Variants in SIPA1L1 observed in about 807,000 individuals in gnomAD.
The protein encoded by SIPA1L1 is signal induced proliferation associated 1 like 1, also known as signal-induced proliferation-associated 1-like protein 1.
A neutral mutation model predicts 162.7 loss-of-function variants in SIPA1L1; 26 were observed. The observed-to-expected ratio is 0.16, with a 90% CI of 0.12 to 0.22. The LOEUF (loss-of-function observed/expected upper bound fraction) is 0.22, where lower values mean the gene tolerates loss of function less well. SIPA1L1 is among the 10% of genes least tolerant of loss of function. The pLI, the probability that SIPA1L1 is intolerant of heterozygous loss-of-function variation, is 1.00. For missense variants in SIPA1L1, 1,874 were observed against 2,241.0 expected, an observed-to-expected ratio of 0.84 and a Z score of 3.31; for synonymous variants, 829 against 837.4, an observed-to-expected ratio of 0.99 and a Z score of 0.17.
At chr14:71,462,982 G>T (rs1457503676) in intron 2 of SIPA1L1, among the ~76,000 whole-genome samples, 3 of 152,204 alleles carry the variant, frequency 2.0e-5, no homozygotes, top group African/African-American at 7.2e-5. Flanking sequence ...ATGTTAATTT[G>T]CTCAAGCAGT....
At chr14:71,605,021 T>A (rs2037321211) in intron 5 of SIPA1L1, among the ~76,000 whole-genome samples, 2 of 152,192 alleles carry the variant, frequency 1.3e-5, no homozygotes, top group Non-Finnish European at 2.9e-5. Flanking sequence ...TCTGAAAATT[T>A]GAATATTTGA....
At chr14:71,455,648 A>G (rs536759013) in intron 2 of SIPA1L1, among the ~76,000 whole-genome samples, 1 of 152,310 alleles carries the variant, frequency 6.6e-6, no homozygotes, top group African/African-American at 2.4e-5. Flanking sequence ...AGACTTTGGC[A>G]TGTAGTATTT....
At chr14:71,496,359 G>T (rs1168476084) in intron 2 of SIPA1L1, among the ~76,000 whole-genome samples, 1 of 150,314 alleles carries the variant, frequency 6.7e-6, no homozygotes, top group East Asian at 1.9e-4. Flanking sequence ...TTTTGCTTGT[G>T]ATTTTTTTTT....
chr14:71,556,421 AG>A (rs2056357229), intron 4 of SIPA1L1, among the ~76,000 whole-genome samples: 1 of 152,204 alleles, frequency 6.6e-6, no homozygotes, highest in Admixed American at 6.5e-5. Flanking sequence ...CAGATTCCAC[AG>A]GTTGGGGGCT....
chr14:71,655,533 G>A (rs1420029965), intron 8 of SIPA1L1, among the ~76,000 whole-genome samples: 3 of 152,136 alleles, frequency 2.0e-5, no homozygotes, highest in Non-Finnish European at 2.9e-5. Context: ...TTAGTTCTTT[G>A]AGAAATCTCC....
At chr14:71,441,224 T>G (rs934558984) in intron 2 of SIPA1L1, among the ~76,000 whole-genome samples, 1 of 152,222 alleles carries the variant, frequency 6.6e-6, no homozygotes, top group Non-Finnish European at 1.5e-5. Flanking sequence ...GCCTCTTAAG[T>G]CTGCCACTGA....
At chr14:71,397,927 G>T (rs2041340038) in intron 2 of SIPA1L1, among the ~76,000 whole-genome samples, 1 of 150,244 alleles carries the variant, frequency 6.7e-6, no homozygotes. Flanking sequence ...ACCTTTATAA[G>T]ATGTGACAAA....
chr14:71,729,369 C>G (rs2033172325), intron 19 of SIPA1L1, among the ~76,000 whole-genome samples: 1 of 152,178 alleles, frequency 6.6e-6, no homozygotes. Flanking sequence ...AGAAATGCAT[C>G]TTCAAAAAAT....
chr14:71,445,503 C>G (rs190713519), intron 2 of SIPA1L1, among the ~76,000 whole-genome samples: 291 of 151,708 alleles, frequency 1.9e-3, no homozygotes, highest in African/African-American at 6.8e-3. Flanking sequence ...TTTGTCTGTA[C>G]TAATTTTAGT....
At chr14:71,331,365 A>C (rs531006911) in intron 2 of SIPA1L1, among the ~76,000 whole-genome samples, 1 of 152,372 alleles carries the variant, frequency 6.6e-6, no homozygotes, top group Non-Finnish European at 1.5e-5. Flanking sequence ...TTGAATAATA[A>C]AGAAGTGACA....
At chr14:71,563,007 T>C (rs1416620477) in intron 4 of SIPA1L1, among the ~76,000 whole-genome samples, 1 of 152,210 alleles carries the variant, frequency 6.6e-6, no homozygotes, top group Non-Finnish European at 1.5e-5. Context: ...TATTTATTTG[T>C]TGTCTGCCTG....
chr14:71,671,429 A>G lies in SIPA1L1; in HGVS notation c.2566A>G (p.Met856Val), dbSNP rs145411932. Residue 856 changes from methionine to valine, a missense_variant, in exon 11 of 24, where the codon ATG becomes GTG. By Grantham distance (21) the Met-to-Val change is conservative (BLOSUM62 1). Around this residue, in one of 5 missense-constraint regions of SIPA1L1, gnomAD observed 243 missense variants for 315.0 expected, o/e 0.77. Coordinates refer to ENST00000381232, the MANE Select transcript of SIPA1L1 (RefSeq NM_001386936.1). ...ATATCCAGGAGCCGAGCTCAGCAGC[A>G]TGGGGGCCATTGTATGGGCAGTCCG... is the stretch of plus-strand genomic sequence containing the variant. ...KPYPGAELSS[M>V]GAIVWAVRAE... The G allele has an allele frequency of 1.9e-6, 3 of 1,614,210 alleles. No individual in the cohort carries two copies. Among genetic ancestry groups the G allele is most frequent in the African/African-American group, 2.7e-5 (2 of 75,050 alleles).
chr14:71,529,134 TATG>T (rs1399004258), intron 3 of SIPA1L1, among the ~76,000 whole-genome samples, 175 bp from the exon 4 acceptor site: 2 of 151,398 alleles, frequency 1.3e-5, no homozygotes, highest in African/African-American at 2.4e-5. Flanking sequence ...AAGAAAGAAA[TATG>T]ATAATACTAG....
chr14:71,589,427 G>A, intron 5 of SIPA1L1, 57 bp downstream of exon 5: 1 of 1,055,164 alleles, frequency 9.5e-7, no homozygotes, highest in Non-Finnish European at 1.4e-6. Flanking sequence ...CTGAAGAAAA[G>A]TACTGTATAT....
At chr14:71,610,267 C>T (rs568653744) in intron 5 of SIPA1L1, among the ~76,000 whole-genome samples, 1 of 152,180 alleles carries the variant, frequency 6.6e-6, no homozygotes, top group East Asian at 1.9e-4. Flanking sequence ...TTTATAGACC[C>T]CCTAATTTCT....
At chr14:71,348,772 T>C (rs995982821) in intron 2 of SIPA1L1, among the ~76,000 whole-genome samples, 1 of 152,260 alleles carries the variant, frequency 6.6e-6, no homozygotes, top group Admixed American at 6.5e-5. Context: ...TAGTATCTTT[T>C]ATGGTAGGAA....
chr14:71,652,686 A>G (rs1362856104), intron 8 of SIPA1L1, among the ~76,000 whole-genome samples: 2 of 144,784 alleles, frequency 1.4e-5, no homozygotes, highest in Admixed American at 6.9e-5. Flanking sequence ...GATAATTTCT[A>G]TTAATATATC....
At position 71,650,484 on chromosome 14, in the gene SIPA1L1, G is replaced by T; in HGVS notation, c.1968G>T (p.Lys656Asn). 6.2e-7 allele frequency: 1 copy of T among 1,614,150 alleles called. No individual in the cohort carries two copies. Among genetic ancestry groups the T allele is most frequent in the Non-Finnish European group, 8.5e-7 (1 of 1,179,998 alleles). ...GERVRLKGFE[K>N]YRAQLDTKTD... ...GAGTTCGGCTCAAAGGATTTGAGAA[G>T]TATCGAGCACAGCTTGATACCAAAA... Residue 656 changes from lysine (K) to asparagine (N), a missense_variant, in exon 8 of 24, where the codon AAG becomes AAT. Lys to Asn is a moderately conservative substitution (Grantham distance 94, BLOSUM62 0). This residue lies in a region of SIPA1L1 where 685 missense variants were observed against 828.0 expected (regional missense o/e 0.83). Coordinates refer to ENST00000381232, the MANE Select transcript of SIPA1L1 (RefSeq NM_001386936.1).
chr14:71,709,554 A>G lies in SIPA1L1; in HGVS notation c.4098A>G (p.Lys1366=), dbSNP rs776376686. 7 of 1,614,158 alleles carry G rather than the reference A, an allele frequency of 4.3e-6. No homozygotes were observed. Among genetic ancestry groups the G allele is most frequent in the Non-Finnish European group, 5.9e-6 (7 of 1,180,006 alleles). ...LETESHGLDR[K]TESSLSLDIH... ...CAGAGAGCCACGGCCTGGACCGGAA[A>G]ACAGAGTCTTCCCTGAGCTTAGACA... Residue 1366 remains lysine (K), a synonymous_variant, in exon 17 of 24, where the codon AAA becomes AAG. Coordinates refer to ENST00000381232, the MANE Select transcript of SIPA1L1 (RefSeq NM_001386936.1).
Sources: gnomAD v4.1 joint callset for allele counts (sites outside exome capture counted in the v4.1 genomes callset) on GRCh38, gnomAD v4.1.1 for gene constraint, gnomAD v4.1.1 regional missense constraint, MANE v1.5 for transcripts, NCBI Gene and HGNC (gene_info 2026-07-23, HGNC 2026-07-21) for gene names.